The following KCNH5 variants were observed in gnomAD, a reference collection of about 807,000 sequenced individuals.
The protein encoded by KCNH5 is voltage-gated delayed rectifier potassium channel KCNH5.
A neutral mutation model predicts 96.1 loss-of-function variants in KCNH5; 46 were observed. That is an observed-to-expected ratio of 0.48 (90% confidence interval 0.38 to 0.61). The LOEUF (loss-of-function observed/expected upper bound fraction) is 0.61. Ranked by LOEUF, KCNH5 falls within the 20% of genes least tolerant of loss-of-function variation. The probability of loss-of-function intolerance (pLI) is 0.00; values close to 1 mark genes in which losing one functional copy is unlikely to be tolerated. For missense variants in KCNH5, 907 were observed against 1,225.8 expected (o/e 0.74, Z 3.88); for synonymous variants, 439 against 449.8 (o/e 0.98, Z 0.30).
chr14:62,824,845 C>T (rs139714800), intron 8 of KCNH5, among the ~76,000 whole-genome samples: 42 of 152,032 alleles, frequency 2.8e-4, no homozygotes, highest in African/African-American at 9.9e-4. Flanking sequence ...TCTTTTGTTT[C>T]CACTTATAAG....
At chr14:62,714,696 A>G (rs1884646424) in intron 10 of KCNH5, among the ~76,000 whole-genome samples, 1 of 152,212 alleles carries the variant, frequency 6.6e-6, no homozygotes, top group South Asian at 2.1e-4. Flanking sequence ...TAAGAGTTCA[A>G]CTTGTATGAA....
intron 7 of KCNH5, among the ~76,000 whole-genome samples, chr14:62,902,545 T>C (rs939986065): frequency 1.3e-5 from 2 of 152,124 alleles, no homozygotes; most frequent in South Asian, 2.1e-4. Context: ...CCAGCATAGG[T>C]TGAGTCTAAT....
intron 7 of KCNH5, among the ~76,000 whole-genome samples, chr14:62,878,144 A>G (rs1484481719): frequency 1.4e-5 from 2 of 144,118 alleles, no homozygotes; most frequent in Non-Finnish European, 3.0e-5. Flanking sequence ...GAATTGAACA[A>G]TGAGAACACA....
chr14:63,045,306 G>T lies in KCNH5; in HGVS notation c.-120C>A. The stretch of plus-strand genomic sequence containing the variant: ...AGATTGAGCCGAAAGAAGAGGGGGC[G>T]CGGCGGCGGCGACGGGGTCCCCTGA... On this transcript the variant is annotated 5_prime_UTR_variant, in exon 1 of 11. Coordinates refer to ENST00000322893, the MANE Select transcript of KCNH5 (RefSeq NM_139318.5). 1 of 784,162 alleles carries T rather than the reference G, an allele frequency of 1.3e-6. No individual in the cohort carries two copies. Among genetic ancestry groups the T allele is most frequent in the Non-Finnish European group, 2.1e-6 (1 of 471,060 alleles). The allele number at this position is 784,162 out of a possible 1,614,324, so 48.6% of individuals were successfully genotyped here.
At chr14:62,913,563 T>A (rs1889214019) in intron 7 of KCNH5, among the ~76,000 whole-genome samples, 1 of 150,920 alleles carries the variant, frequency 6.6e-6, no homozygotes, top group African/African-American at 2.5e-5. Context: ...AACAACTGAT[T>A]TAGAATTTTA....
At chr14:62,728,217 T>C (rs1884975376) in intron 10 of KCNH5, among the ~76,000 whole-genome samples, 1 of 43,936 alleles carries the variant, frequency 2.3e-5, no homozygotes, top group African/African-American at 5.3e-5. Context: ...CCTATCTCTA[T>C]TAAACTACAA....
chr14:62,735,711 C>T (rs943114285), intron 10 of KCNH5, among the ~76,000 whole-genome samples: 8 of 152,142 alleles, frequency 5.3e-5, no homozygotes, highest in African/African-American at 1.9e-4. Context: ...AACAAAGATA[C>T]GTTGAAGTCC....
chr14:62,899,325 G>A (rs1269938617), intron 7 of KCNH5, among the ~76,000 whole-genome samples: 1 of 152,100 alleles, frequency 6.6e-6, no homozygotes, highest in Non-Finnish European at 1.5e-5. Context: ...AATAACCTAT[G>A]TATGGGTCAA....
chr14:62,991,036 C>A (rs748956189), intron 4 of KCNH5, among the ~76,000 whole-genome samples: 2 of 151,920 alleles, frequency 1.3e-5, no homozygotes, highest in Non-Finnish European at 2.9e-5. Flanking sequence ...GATTACAATT[C>A]AAATTAAAAT....
intron 7 of KCNH5, among the ~76,000 whole-genome samples, chr14:62,897,259 T>C (rs1888832601): frequency 6.6e-6 from 1 of 152,190 alleles, no homozygotes; most frequent in Non-Finnish European, 1.5e-5. Flanking sequence ...TAACTCCTTA[T>C]TAGCATGACT....
rs1884327467 is a variant in KCNH5, at chr14:62,700,269, T to C, written c.*7239A>G. The C allele has an allele frequency of 6.6e-6, 1 of 152,172 alleles. No individual in the cohort carries two copies. Among genetic ancestry groups the C allele is most frequent in the South Asian group, 2.1e-4 (1 of 4,828 alleles). 9.4% of individuals were successfully genotyped at this position (152,172 alleles called of 1,614,324 possible). On this transcript the variant is annotated 3_prime_UTR_variant, in exon 11 of 11. Transcript: ENST00000322893. ...TGCTCTTTCAACAAACTACAATGGATGTTTTAGGGTAAAAAAATGGTTCTA... is the reference window on the plus strand; with the variant it reads ...TGCTCTTTCAACAAACTACAATGGACGTTTTAGGGTAAAAAAATGGTTCTA...
At chr14:62,804,952 C>T (rs1369766630) in intron 8 of KCNH5, among the ~76,000 whole-genome samples, 4 of 152,144 alleles carry the variant, frequency 2.6e-5, no homozygotes, top group African/African-American at 9.7e-5. Flanking sequence ...TTCATCTGGA[C>T]AGTTTGACTG....
chr14:62,729,573 G>A (rs934447055), intron 10 of KCNH5, among the ~76,000 whole-genome samples: 4 of 152,174 alleles, frequency 2.6e-5, no homozygotes, highest in Admixed American at 2.6e-4. Flanking sequence ...ACTGTGCCTG[G>A]ATGAGACTTG....
At chr14:63,040,353 A>ATTATATAAC (rs1891799664) in intron 1 of KCNH5, among the ~76,000 whole-genome samples, 1 of 152,154 alleles carries the variant, frequency 6.6e-6, no homozygotes, top group African/African-American at 2.4e-5. Context: ...TCCCTCTATC[A>ATTATATAAC]GCAATGTGCT....
At chr14:62,946,632 T>C (rs1889892634) in intron 7 of KCNH5, among the ~76,000 whole-genome samples, 2 of 152,002 alleles carry the variant, frequency 1.3e-5, no homozygotes, top group South Asian at 4.2e-4. Context: ...GGTATTAACA[T>C]AGCAGCTTTA....
intron 9 of KCNH5, among the ~76,000 whole-genome samples, chr14:62,801,388 A>G (rs1370421227): frequency 1.3e-5 from 2 of 151,670 alleles, no homozygotes; most frequent in Non-Finnish European, 1.5e-5. Flanking sequence ...AAAAAAAAAA[A>G]AAAAGAAATG....
intron 8 of KCNH5, among the ~76,000 whole-genome samples, chr14:62,814,174 A>G (rs979128524): frequency 6.6e-6 from 1 of 152,202 alleles, no homozygotes; most frequent in Non-Finnish European, 1.5e-5. Flanking sequence ...TAAAAATGAG[A>G]CCTAAAGTTT....
chr14:62,826,111 T>C (rs536561328), intron 8 of KCNH5, among the ~76,000 whole-genome samples: 22 of 152,116 alleles, frequency 1.4e-4, no homozygotes, highest in Non-Finnish European at 3.1e-4. Context: ...TCTTAAAGTA[T>C]TATATTATAT....
At chr14:62,860,718 A>T (rs965546428) in intron 7 of KCNH5, among the ~76,000 whole-genome samples, 1 of 152,054 alleles carries the variant, frequency 6.6e-6, no homozygotes, top group Admixed American at 6.6e-5. Flanking sequence ...CACAGGACCT[A>T]CCCCATTGCT....
Sources: gnomAD v4.1 joint callset for allele counts (sites outside exome capture counted in the v4.1 genomes callset) on GRCh38, gnomAD v4.1.1 for gene constraint, MANE v1.5 for transcripts, NCBI Gene and HGNC (gene_info 2026-07-23, HGNC 2026-07-21) for gene names.